The following SYT7 variants were observed in gnomAD, a reference collection of about 807,000 sequenced individuals.
SYT7 encodes the protein synaptotagmin 7, also known as synaptotagmin-7.
Under a neutral mutation model 75.1 loss-of-function variants are expected in SYT7, and 29 were observed. The ratio of observed to expected loss-of-function variants is 0.39; its 90% CI spans 0.29 to 0.53. SYT7 has a LOEUF of 0.53. SYT7 is among the 20% of genes least tolerant of loss of function. The pLI, the probability that SYT7 is intolerant of heterozygous loss-of-function variation, is 0.77. For missense variants in SYT7, 693 were observed against 953.2 expected, an observed-to-expected ratio of 0.73 and a Z score of 3.59; for synonymous variants, 376 against 401.7, an observed-to-expected ratio of 0.94 and a Z score of 0.76.
chr11:61,520,053 C>T (rs1164353400), intron 12 of SYT7, among the ~76,000 whole-genome samples: 4 of 103,476 alleles, frequency 3.9e-5, no homozygotes, highest in Non-Finnish European at 6.8e-5. Context: ...CTCCTGACCT[C>T]GTGATCTGGG....
chr11:61,574,050 C>T (rs948263092), intron 1 of SYT7, among the ~76,000 whole-genome samples: 1 of 152,216 alleles, frequency 6.6e-6, no homozygotes, highest in African/African-American at 2.4e-5. Context: ...CTGACACTGC[C>T]TCCATGAAGC....
At chr11:61,569,780 C>T (rs2063870658) in intron 1 of SYT7, among the ~76,000 whole-genome samples, 2 of 152,078 alleles carry the variant, frequency 1.3e-5, no homozygotes, top group South Asian at 4.2e-4. Flanking sequence ...GGGAGGAGAG[C>T]GGGGGAGGAC....
rs1303855485 is a variant in SYT7, at chr11:61,569,500, C to T, written c.31+11290G>A. Among the ~76,000 whole-genome samples the T allele has an allele frequency of 1.3e-5, 2 of 152,060 alleles. 1 individual carries two copies. Among genetic ancestry groups the T allele is most frequent in the Non-Finnish European group, 2.9e-5 (2 of 68,014 alleles). On this transcript the variant is annotated intron_variant, in intron 1 of 12. Coordinates refer to ENST00000539008, the MANE Select transcript of SYT7 (RefSeq NM_001365809.2). ...AGAGTAAGTGAGAGAGACCTGGGCT[C>T]TGGGGCAGCAGAGGGAGCCAGGAGG...
In SYT7 at chr11:61,546,005, G is replaced by A. The variant is rs568787094; in HGVS notation, c.572+26C>T. On this transcript the variant is annotated intron_variant, in intron 5 of 12. Transcript: ENST00000539008. This position sits in a 1 kb window ranked among gnomAD's most constrained non-coding sequence, Gnocchi z 7.6. ...AGGGCAGGCCTGAGCTCATGGCTCCGGCAGCCATGGGGCGCCATCACTCAC... is the reference window on the plus strand; with the variant it reads ...AGGGCAGGCCTGAGCTCATGGCTCCAGCAGCCATGGGGCGCCATCACTCAC... 6.4e-5 allele frequency: 98 copies of A among 1,526,482 alleles called. No individual in the cohort carries two copies. The highest frequency in any genetic ancestry group is 9.6e-5 in the South Asian group (8 of 83,714). The allele number at this position is 1,526,482 out of a possible 1,614,324, so 94.6% of individuals were successfully genotyped here.
intron 1 of SYT7, among the ~76,000 whole-genome samples, chr11:61,566,321 A>G (rs1328265843): frequency 6.6e-6 from 1 of 152,108 alleles, no homozygotes; most frequent in Non-Finnish European, 1.5e-5. Context: ...ACCTCCCACA[A>G]TTCCTGGCCT....
chr11:61,560,192 T>C (rs2063601072), intron 1 of SYT7, among the ~76,000 whole-genome samples: 1 of 152,300 alleles, frequency 6.6e-6, no homozygotes, highest in Admixed American at 6.5e-5. Context: ...CGGCTCAGAT[T>C]CTATACCCTT....
At chr11:61,530,288 T>TG (rs150178478) in intron 8 of SYT7, among the ~76,000 whole-genome samples, 3,176 of 152,300 alleles carry the variant, frequency 0.021, 106 homozygotes, top group African/African-American at 0.073. Flanking sequence ...GGCACCGAGC[T>TG]GCCTTACAGC....
Position 61,524,246 on chromosome 11 carries a change from A to C in SYT7, c.1641+117T>G. 1 of 1,292,232 alleles carries C rather than the reference A, an allele frequency of 7.7e-7. No homozygotes were observed. Among genetic ancestry groups the C allele is most frequent in the African/African-American group, 1.5e-5 (1 of 67,610 alleles). 80.0% of individuals were successfully genotyped at this position (1,292,232 alleles called of 1,614,324 possible). A position where few individuals can be genotyped will look rare whatever the true frequency, so the allele number is the denominator to read the frequency against. ...GGGCTGAGCTCCATCGGGTCCACCC[A>C]TCTGCACCCTCTCCCACAGCCCTCC... On this transcript the variant is annotated intron_variant, in intron 10 of 12. Coordinates refer to ENST00000539008, the MANE Select transcript of SYT7 (RefSeq NM_001365809.2). This position sits in a 1 kb window ranked among gnomAD's most constrained non-coding sequence, Gnocchi z 4.1.
rs535959357 is a variant in SYT7, at chr11:61,514,150, G to A, written c.*4477C>T. On this transcript the variant is annotated 3_prime_UTR_variant, in exon 13 of 13. Coordinates refer to ENST00000539008, the MANE Select transcript of SYT7 (RefSeq NM_001365809.2). ...AGGCAAAAAGTCCAGGGAAGGGCCC[G>A]AGCCAGTGGCAAGGGACTGCCCCCT... Among the ~76,000 whole-genome samples, 10 of 152,324 alleles carry A rather than the reference G, an allele frequency of 6.6e-5. No individual in the cohort carries two copies. The highest frequency in any genetic ancestry group is 3.9e-4 in the East Asian group (2 of 5,182).
Position 61,538,158 on chromosome 11 carries a change from A to G in SYT7, c.1050T>C (p.Ala350=), listed in dbSNP as rs2062925635. 6.5e-7 allele frequency: 1 copy of G among 1,535,842 alleles called. No individual in the cohort carries two copies. The highest frequency in any genetic ancestry group is 1.2e-5 in the South Asian group (1 of 84,062). The change falls in exon 7 of 13, where the codon GCT becomes GCC. Residue 350 remains alanine (A), a synonymous_variant. Coordinates refer to ENST00000539008, the MANE Select transcript of SYT7 (RefSeq NM_001365809.2). ...QNPGTQQNQN[A]QGDKRLPAGG... ...TGTGCTCGTACCTCTTGTCCCCCTG[A>G]GCGTTCTGGTTCTGCTGGGTTCCTG...
chr11:61,541,893 C>T (rs1041447180), intron 6 of SYT7, among the ~76,000 whole-genome samples: 1 of 152,160 alleles, frequency 6.6e-6, no homozygotes, highest in Non-Finnish European at 1.5e-5. Context: ...AGGCCAAGAG[C>T]AGCCTGGGAC....
At position 61,524,393 on chromosome 11, in the gene SYT7, C is replaced by G; in HGVS notation, c.1611G>C (p.Trp537Cys). Residue 537 changes from tryptophan (W) to cysteine (C), a missense_variant, in exon 10 of 13, where the codon TGG (tryptophan) becomes TGC (cysteine). Around this residue, in one of 2 missense-constraint regions of SYT7, gnomAD observed 206 missense variants for 360.0 expected, o/e 0.57. Coordinates refer to ENST00000539008, the MANE Select transcript of SYT7 (RefSeq NM_001365809.2). The surrounding 1 kb of genome is among the most constrained non-coding windows in gnomAD (Gnocchi z 4.1). ...KVDLTQMQTF[W>C]KDLKPCSDGS... Reference sequence around the variant, plus strand: ...CATCGCTGCATGGCTTCAGATCCTTCCAGAAGGTCTGCATCTGGGTCAGGT... The same window carrying G: ...CATCGCTGCATGGCTTCAGATCCTTGCAGAAGGTCTGCATCTGGGTCAGGT... 1 of 1,614,130 alleles carries G rather than the reference C, an allele frequency of 6.2e-7. No individual in the cohort carries two copies. Among genetic ancestry groups the G allele is most frequent in the South Asian group, 1.1e-5 (1 of 91,086 alleles).
chr11:61,531,223 A>G (rs1377118714), intron 8 of SYT7: 31 of 795,336 alleles, frequency 3.9e-5, no homozygotes, highest in Non-Finnish European at 4.7e-5. Flanking sequence ...CCCACCTCTG[A>G]GCATCCTCCC....
chr11:61,518,794 C>A, intron 12 of SYT7, 63 bp from the exon 13 acceptor site: 3 of 1,223,614 alleles, frequency 2.5e-6, no homozygotes, highest in Non-Finnish European at 3.4e-6. Flanking sequence ...CTTTCCCCCA[C>A]AGGGGTGACA....
At chr11:61,543,192 T>G (rs971834476) in intron 5 of SYT7, among the ~76,000 whole-genome samples, 6 of 152,134 alleles carry the variant, frequency 3.9e-5, no homozygotes, top group African/African-American at 1.4e-4. Flanking sequence ...GCCTTAGAAT[T>G]CAGGGTCTGG....
At position 61,570,256 on chromosome 11, in the gene SYT7, G is replaced by A. The variant is rs575856322; in HGVS notation, c.31+10534C>T. On this transcript the variant is annotated intron_variant, in intron 1 of 12. Transcript: ENST00000539008. ...CAACAGGAGACAAAGACAAGTCATG[G>A]CTGCCAGCAAGTCAGTCCTGATCAA... Among the ~76,000 whole-genome samples the A allele has an allele frequency of 2.0e-5, 3 of 152,218 alleles. 1 individual carries two copies. The South Asian group carries it at 6.2e-4, about 32-fold the overall frequency.
intron 6 of SYT7, among the ~76,000 whole-genome samples, chr11:61,538,669 A>G (rs1015780449): frequency 1.3e-5 from 2 of 151,948 alleles, no homozygotes; most frequent in Non-Finnish European, 2.9e-5. Flanking sequence ...GGGTGGGGGG[A>G]ATGGAGCACA....
At chr11:61,552,787 G>A (rs956215161) in intron 2 of SYT7, among the ~76,000 whole-genome samples, 2 of 152,196 alleles carry the variant, frequency 1.3e-5, no homozygotes, top group African/African-American at 4.8e-5. Flanking sequence ...TCCCCCGTCA[G>A]CCTAGCCAAG....
Position 61,524,363 on chromosome 11 carries a change from A to T in SYT7, c.1641T>A (p.Ser547Arg). 6.2e-7 allele frequency: 1 copy of T among 1,613,760 alleles called. No homozygotes were observed. The change falls in exon 10 of 13, where the codon AGT becomes AGA. Residue 547 changes from serine (S) to arginine (R), a missense_variant and splice_region_variant. Coordinates refer to ENST00000539008, the MANE Select transcript of SYT7 (RefSeq NM_001365809.2). This position sits in a 1 kb window ranked among gnomAD's most constrained non-coding sequence, Gnocchi z 4.1. Reference sequence around the variant, plus strand: ...CTAAGACCCACCCATGGGGCCTTACACTCCCATCGCTGCATGGCTTCAGAT... The same window carrying T: ...CTAAGACCCACCCATGGGGCCTTACTCTCCCATCGCTGCATGGCTTCAGAT... ...WKDLKPCSDG[S>R]GSRGELLLSL...
Sources: gnomAD v4.1 joint callset for allele counts (sites outside exome capture counted in the v4.1 genomes callset) on GRCh38, gnomAD v4.1.1 for gene constraint, gnomAD v4.1.1 regional missense constraint, Gnocchi (gnomAD v3.1) non-coding constraint, MANE v1.5 for transcripts, NCBI Gene and HGNC (gene_info 2026-07-23, HGNC 2026-07-21) for gene names.